Variants in LONRF3 observed in about 807,000 individuals in gnomAD.
LONRF3 encodes the protein LON peptidase N-terminal domain and RING finger protein 3.
In LONRF3, 19 loss-of-function variants were observed where a neutral mutation model predicts 51.7. That is an observed-to-expected ratio of 0.37 (90% CI 0.26 to 0.54). The LOEUF (loss-of-function observed/expected upper bound fraction) is 0.54, where lower values mean the gene tolerates loss of function less well. Among genes scored for constraint, LONRF3 ranks in the 20% least tolerant of loss-of-function variants. The pLI is 0.86. For synonymous variants in LONRF3, 265 were observed against 257.8 expected (o/e 1.03, Z -0.27); for missense variants, 521 against 623.9 (o/e 0.84, Z 1.76).
intron 2 of LONRF3, among the ~76,000 whole-genome samples, chrX:118,979,965 A>G (rs1320395200): frequency 8.9e-6 from 1 of 112,348 alleles, no homozygotes; most frequent in Non-Finnish European, 1.9e-5. Context: ...CCTGTGCTCT[A>G]CTACTTGCAA....
At chrX:119,012,974 G>A in intron 8 of LONRF3, 65 bp from the exon 9 acceptor site, 1 of 1,200,696 alleles carries the variant, frequency 8.3e-7, no homozygotes, top group Non-Finnish European at 1.1e-6. Context: ...AAATGGCTGG[G>A]TGCCAGCCCA....
At chrX:118,990,239 C>T (rs1384597195) in intron 4 of LONRF3, among the ~76,000 whole-genome samples, 3 of 111,861 alleles carry the variant, frequency 2.7e-5, no homozygotes, top group African/African-American at 9.8e-5. Flanking sequence ...CCCAGGGCTC[C>T]TGGACATTGT....
intron 5 of LONRF3, among the ~76,000 whole-genome samples, chrX:118,997,536 A>G (rs772423576): frequency 8.9e-6 from 1 of 112,519 alleles, no homozygotes; most frequent in East Asian, 2.8e-4. Flanking sequence ...CATTGGAAAA[A>G]CCCTTCTAGA....
Position 118,990,565 on chromosome X carries a change from G to A in LONRF3, c.1415+5G>A. 2 of 1,182,381 alleles carry A rather than the reference G, an allele frequency of 1.7e-6. No individual in the cohort carries two copies. The highest frequency in any genetic ancestry group is 1.8e-5 in the South Asian group (1 of 56,098). On this transcript the variant is annotated splice_donor_5th_base_variant and intron_variant, in intron 5 of 10. Coordinates refer to ENST00000371628, the MANE Select transcript of LONRF3 (RefSeq NM_001031855.3). ...TGAATGCGCTCTATGTATGAGGTAC[G>A]TCCTGTGTACTATCATTTACTTCCT...
At chrX:119,011,698 A>G in intron 7 of LONRF3, 117 bp from the exon 8 acceptor site, 19 of 763,286 alleles carry the variant, frequency 2.5e-5, no homozygotes, top group Non-Finnish European at 3.3e-5. Flanking sequence ...GACACTGTCA[A>G]AAAACAAACT....
At chrX:118,986,853 C>A (rs985487963) in intron 3 of LONRF3, 15 of 1,012,363 alleles carry the variant, frequency 1.5e-5, no homozygotes, top group Non-Finnish European at 1.9e-5. Context: ...TCCCTCCCCC[C>A]TTCACCCTCC....
intron 2 of LONRF3, among the ~76,000 whole-genome samples, chrX:118,980,059 C>G (rs116818659): frequency 8.9e-6 from 1 of 112,106 alleles, no homozygotes; most frequent in Non-Finnish European, 1.9e-5. Context: ...CTGATTGCCT[C>G]GCAATGATGC....
rs879250175 is a variant in LONRF3, at chrX:118,989,442, A to C, written c.1094A>C (p.Glu365Ala). Residue 365 changes from glutamate to alanine, a missense_variant, in exon 4 of 11, where the codon GAG becomes GCG. Around this residue, in one of 2 missense-constraint regions of LONRF3, gnomAD observed 376 missense variants for 376.7 expected, o/e 1.00. Coordinates refer to ENST00000371628, the MANE Select transcript of LONRF3 (RefSeq NM_001031855.3). ...NLELPHCSSQ[E>A]EAAARGDGSS... ...GAGCTCCCACATTGTTCTAGTCAGG[A>C]GGAAGCAGCAGCCAGGGGAGATGGC... The C allele has an allele frequency of 2.5e-6, 3 of 1,211,118 alleles. No individual in the cohort carries two copies. The Admixed American group carries it at 6.5e-5, about 26-fold the overall frequency.
chrX:118,984,113 A>G (rs1282011572), intron 3 of LONRF3, among the ~76,000 whole-genome samples: 1 of 112,587 alleles, frequency 8.9e-6, no homozygotes. Flanking sequence ...TATATTATTT[A>G]AATCCCACTA....
chrX:119,009,506 C>G (rs1299259405), intron 7 of LONRF3, among the ~76,000 whole-genome samples: 1 of 111,700 alleles, frequency 9.0e-6, no homozygotes, highest in Non-Finnish European at 1.9e-5. Context: ...TACGCCCTGC[C>G]CCCAGTAACA....
At chrX:119,013,411 G>T (rs974517025) in intron 9 of LONRF3, among the ~76,000 whole-genome samples, 2 of 112,428 alleles carry the variant, frequency 1.8e-5, no homozygotes, top group African/African-American at 6.5e-5. Flanking sequence ...TAGCTGCTGA[G>T]TTGCATTCAT....
chrX:118,990,133 C>A (rs1397229750), intron 4 of LONRF3, among the ~76,000 whole-genome samples: 2 of 112,216 alleles, frequency 1.8e-5, no homozygotes, highest in African/African-American at 6.5e-5. Flanking sequence ...TTGGCAGTGC[C>A]AAGATTCAGT....
chrX:118,995,901 G>A (rs1291550435), intron 5 of LONRF3, among the ~76,000 whole-genome samples: 1 of 111,902 alleles, frequency 8.9e-6, no homozygotes, highest in Non-Finnish European at 1.9e-5. Context: ...ATTAACAGCA[G>A]AATTCTACCA....
rs1923254981 is a variant in LONRF3 at position 118,989,500 on chromosome X, G to A, written c.1152G>A (p.Gly384=). ...SSLMDPAKVK[G]DGQQHHMKDQ... is the part of the protein sequence containing the mutation. ...TGATGGACCCAGCTAAAGTGAAGGG[G>A]GATGGTCAGCAGCACCACATGAAAG... Residue 384 remains glycine (G), a synonymous_variant, in exon 4 of 11, where the codon GGG becomes GGA. Coordinates refer to ENST00000371628, the MANE Select transcript of LONRF3 (RefSeq NM_001031855.3). The A allele has an allele frequency of 2.5e-6, 3 of 1,211,705 alleles. No homozygotes were observed. Among genetic ancestry groups the A allele is most frequent in the Non-Finnish European group, 1.1e-6 (1 of 895,498 alleles).
chrX:118,999,749 C>T (rs1480731206), intron 5 of LONRF3, among the ~76,000 whole-genome samples: 2 of 111,495 alleles, frequency 1.8e-5, no homozygotes, highest in Non-Finnish European at 3.8e-5. Flanking sequence ...TTGGCTCACT[C>T]GAAATTTAAA....
At chrX:118,988,434 T>C (rs1923167338) in intron 3 of LONRF3, among the ~76,000 whole-genome samples, 1 of 111,936 alleles carries the variant, frequency 8.9e-6, no homozygotes, top group Non-Finnish European at 1.9e-5. Flanking sequence ...GCCAATGCCT[T>C]GGGTTCATGG....
At chrX:119,010,484 G>GTT (rs941765352) in intron 7 of LONRF3, among the ~76,000 whole-genome samples, 5 of 106,612 alleles carry the variant, frequency 4.7e-5, no homozygotes, top group Non-Finnish European at 9.7e-5. Context: ...ACTAGAAATC[G>GTT]TTTTTTTTTT....
chrX:118,993,127 C>CA (rs1569477274), intron 5 of LONRF3, among the ~76,000 whole-genome samples: 17 of 110,627 alleles, frequency 1.5e-4, no homozygotes, highest in African/African-American at 5.6e-4. Flanking sequence ...AACACCCCCC[C>CA]CCAAAAACCA....
chrX:118,989,705 G>A (rs1923281171), intron 4 of LONRF3, 33 bp downstream of exon 4: 2 of 1,187,329 alleles, frequency 1.7e-6, no homozygotes, highest in East Asian at 5.9e-5. Context: ...AGGTAGCTTG[G>A]AGGAGATCCC....
Sources: gnomAD v4.1 joint callset for allele counts (sites outside exome capture counted in the v4.1 genomes callset) on GRCh38, gnomAD v4.1.1 for gene constraint, gnomAD v4.1.1 regional missense constraint, MANE v1.5 for transcripts, NCBI Gene and HGNC (gene_info 2026-07-23, HGNC 2026-07-21) for gene names.